The following PDE4D variants were observed in gnomAD, a reference collection of about 807,000 sequenced individuals.
PDE4D encodes 3',5'-cyclic-AMP phosphodiesterase 4D.
In PDE4D, 24 loss-of-function variants were observed where a neutral mutation model predicts 87.4. The observed-to-expected ratio is 0.27, with a 90% confidence interval of 0.20 to 0.39. The LOEUF (loss-of-function observed/expected upper bound fraction) is 0.39, where lower values mean the gene tolerates loss of function less well. Ranked by LOEUF, PDE4D falls within the 10% of genes least tolerant of loss-of-function variation. PDE4D has a pLI of 1.00. For missense variants in PDE4D, 714 were observed against 1,041.0 expected (o/e 0.69, Z 4.32); for synonymous variants, 384 against 383.2 (o/e 1.00, Z -0.02).
chr5:59,470,495 A>G (rs917036966), intron 1 of PDE4D, among the ~76,000 whole-genome samples: 5 of 152,180 alleles, frequency 3.3e-5, no homozygotes, highest in Non-Finnish European at 7.3e-5. Context: ...CCATAATTTC[A>G]TCAGTGAATT....
intron 1 of PDE4D, among the ~76,000 whole-genome samples, chr5:60,419,103 A>G (rs1372346046): frequency 6.6e-6 from 1 of 152,216 alleles, no homozygotes; most frequent in Non-Finnish European, 1.5e-5. Flanking sequence ...TAAGTAACAA[A>G]TGTGCATACA....
At chr5:60,514,832 A>G (rs1750724676) in intron 1 of PDE4D, among the ~76,000 whole-genome samples, 1 of 152,110 alleles carries the variant, frequency 6.6e-6, no homozygotes, top group African/African-American at 2.4e-5. Flanking sequence ...TGGAAATCTC[A>G]GCCAAAGCAA....
intron 5 of PDE4D, among the ~76,000 whole-genome samples, chr5:59,143,166 C>T (rs989431672): frequency 1.1e-4 from 16 of 150,074 alleles, no homozygotes; most frequent in African/African-American, 2.9e-4. Flanking sequence ...CCCTTCCTCC[C>T]TCCTTCCCTC....
At position 59,430,520 on chromosome 5, in the gene PDE4D, C is replaced by G. The variant is rs1046126431; in HGVS notation, c.456-214552G>C. On this transcript the variant is annotated intron_variant, in intron 1 of 14. Transcript: ENST00000340635. ...TCAGATAATAGATTTCAGACATATG[C>G]TGCTCACTGGTTGCCCGGTGCTTCT... The G allele has an allele frequency of 4.3e-6, 4 of 937,474 alleles. 1 individual carries two copies. The South Asian group carries it at 1.7e-4, about 39-fold the overall frequency. 58.1% of individuals were successfully genotyped at this position (937,474 alleles called of 1,614,324 possible).
chr5:59,229,087 T>C (rs540234641), intron 1 of PDE4D, among the ~76,000 whole-genome samples: 1 of 152,280 alleles, frequency 6.6e-6, no homozygotes, highest in Admixed American at 6.5e-5. Flanking sequence ...CTTTGTTTTT[T>C]ACTTATTTTA....
intron 1 of PDE4D, among the ~76,000 whole-genome samples, chr5:60,230,572 G>A (rs940153155): frequency 2.0e-5 from 3 of 152,080 alleles, no homozygotes; most frequent in African/African-American, 7.2e-5. Flanking sequence ...GTGGACTACT[G>A]ATTTTAACTG....
chr5:59,504,164 CTA>C (rs1808816530), intron 1 of PDE4D, among the ~76,000 whole-genome samples: 1 of 152,092 alleles, frequency 6.6e-6, no homozygotes, highest in African/African-American at 2.4e-5. Context: ...AACACTTGGC[CTA>C]TGAGAGATAC....
At chr5:59,060,689 C>T (rs145964443) in intron 5 of PDE4D, among the ~76,000 whole-genome samples, 22 of 152,192 alleles carry the variant, frequency 1.4e-4, no homozygotes, top group African/African-American at 4.1e-4. Context: ...TTCACATAGG[C>T]CAGGCTGAGA....
chr5:59,335,354 A>G (rs1777479284), intron 1 of PDE4D, among the ~76,000 whole-genome samples: 1 of 152,200 alleles, frequency 6.6e-6, no homozygotes, highest in South Asian at 2.1e-4. Context: ...TGCAGAGGAA[A>G]CAGCTATGAA....
At chr5:59,105,337 G>A (rs1771414847) in intron 5 of PDE4D, among the ~76,000 whole-genome samples, 1 of 152,108 alleles carries the variant, frequency 6.6e-6, no homozygotes, top group Admixed American at 6.5e-5. Flanking sequence ...TTCATTTATA[G>A]TATTCATCTT....
chr5:58,975,895 A>AC lies in PDE4D; in HGVS notation c.1831-57_1831-56insG, dbSNP rs1403066652. ...TCCTGTTCCTTTTTTTTAAAAAAAA[A>AC]AACAAAAAAAACTAGAAATTCACAT... is the stretch of plus-strand genomic sequence containing the variant. On this transcript the variant is annotated intron_variant, in intron 13 of 14. Transcript: ENST00000340635. The surrounding 1 kb of genome is among the most constrained non-coding windows in gnomAD (Gnocchi z 4.2). 5 of 1,263,306 alleles carry AC rather than the reference A, an allele frequency of 4.0e-6. No individual in the cohort carries two copies. The highest frequency in any genetic ancestry group is 5.2e-5 in the East Asian group (2 of 38,370). The allele number at this position is 1,263,306 out of a possible 1,614,324, so 78.3% of individuals were successfully genotyped here. A position where few individuals can be genotyped will look rare whatever the true frequency, so the allele number is the denominator to read the frequency against.
intron 2 of PDE4D, among the ~76,000 whole-genome samples, chr5:59,203,036 C>A (rs148725653): frequency 6.6e-6 from 1 of 151,730 alleles, no homozygotes; most frequent in Non-Finnish European, 1.5e-5. Flanking sequence ...GGGCAAAAAA[C>A]CTGAATAGGT....
intron 2 of PDE4D, among the ~76,000 whole-genome samples, chr5:60,104,683 G>A (rs966247660): frequency 4.6e-5 from 7 of 152,178 alleles, no homozygotes; most frequent in African/African-American, 7.2e-5. Context: ...GGAACCATCA[G>A]ACAGCATCAT....
At chr5:60,267,646 A>G (rs887135330) in intron 1 of PDE4D, among the ~76,000 whole-genome samples, 3 of 152,194 alleles carry the variant, frequency 2.0e-5, no homozygotes, top group Admixed American at 6.5e-5. Context: ...GGAGGCATCA[A>G]AAAAGTTCAT....
chr5:59,434,026 A>T (rs1171582410), intron 1 of PDE4D, among the ~76,000 whole-genome samples: 2 of 147,862 alleles, frequency 1.4e-5, no homozygotes, highest in Non-Finnish European at 3.0e-5. Context: ...ATGTTCCTAA[A>T]GAAGTCTCAT....
intron 4 of PDE4D, among the ~76,000 whole-genome samples, chr5:59,184,005 T>G (rs576490846): frequency 2.6e-5 from 4 of 152,214 alleles, no homozygotes; most frequent in Non-Finnish European, 4.4e-5. Context: ...CAGACAGAGA[T>G]GGAAAGGCAC....
intron 3 of PDE4D, among the ~76,000 whole-genome samples, chr5:59,955,172 C>A (rs1758697741): frequency 6.6e-6 from 1 of 151,938 alleles, no homozygotes; most frequent in Non-Finnish European, 1.5e-5. Flanking sequence ...AAATTGGTAA[C>A]CATGGTTGTG....
rs114812756 is a variant in PDE4D, at chr5:59,336,539, G to A, written c.456-120571C>T. On this transcript the variant is annotated intron_variant, in intron 1 of 14. Coordinates refer to ENST00000340635, the MANE Select transcript of PDE4D (RefSeq NM_001104631.2). ...TAGCTGTGAAGGCCAGGCATCTCAG[G>A]GTTCAAACTTTAGCTTATTGACTAC... Among the ~76,000 whole-genome samples the A allele has an allele frequency of 8.0e-3, 1,212 of 152,160 alleles. 16 individuals are homozygous for A. Among genetic ancestry groups the A allele is most frequent in the African/African-American group, 0.027 (1,103 of 41,524 alleles).
intron 1 of PDE4D, among the ~76,000 whole-genome samples, chr5:59,554,177 C>G (rs1210527790): frequency 1.3e-5 from 2 of 152,134 alleles, no homozygotes; most frequent in African/African-American, 4.8e-5. Context: ...AGTTCCTGCT[C>G]TTGACATTGT....
Sources: allele counts gnomAD v4.1 joint callset (sites outside exome capture counted in the v4.1 genomes callset), GRCh38; gene constraint gnomAD v4.1.1; non-coding constraint Gnocchi (gnomAD v3.1); transcripts MANE v1.5; gene names NCBI Gene and HGNC (gene_info 2026-07-23, HGNC 2026-07-21).